REC114: variants seen among roughly 807,000 people sequenced by gnomAD.
REC114 encodes the protein meiotic recombination protein REC114.
REC114 carries 27 observed loss-of-function variants against 31.3 expected under a neutral mutation model. The observed-to-expected ratio is 0.86, with a 90% CI of 0.64 to 1.19. The LOEUF (loss-of-function observed/expected upper bound fraction) is 1.19, where lower values mean the gene tolerates loss of function less well. Ranked by LOEUF, REC114 falls within the 50% of genes most tolerant of loss-of-function variation. The pLI, the probability that REC114 is intolerant of heterozygous loss-of-function variation, is 0.00. For missense variants in REC114, 344 were observed against 326.9 expected (o/e 1.05, Z -0.40); for synonymous variants, 134 against 127.7 (o/e 1.05, Z -0.33).
chr15:73,523,460 A>T (rs565893573), intron 2 of REC114, among the ~76,000 whole-genome samples: 2 of 152,326 alleles, frequency 1.3e-5, no homozygotes, highest in African/African-American at 4.8e-5. Context: ...GGCCGCTGGG[A>T]CTGGCCAAGA....
chr15:73,498,000 CA>C (rs977122381), intron 2 of REC114, among the ~76,000 whole-genome samples: 1 of 152,078 alleles, frequency 6.6e-6, no homozygotes, highest in African/African-American at 2.4e-5. Flanking sequence ...TTTCATGTAA[CA>C]AAATATTTTT....
intron 2 of REC114, among the ~76,000 whole-genome samples, chr15:73,490,174 G>C (rs983152993): frequency 2.0e-5 from 3 of 152,098 alleles, no homozygotes; most frequent in African/African-American, 7.2e-5. Flanking sequence ...TTTTTTCAAA[G>C]ACAGAAAGTT....
intron 2 of REC114, among the ~76,000 whole-genome samples, chr15:73,538,218 A>G (rs545681955): frequency 6.6e-6 from 1 of 152,322 alleles, no homozygotes; most frequent in Admixed American, 6.5e-5. Flanking sequence ...AAAATCCAAC[A>G]TCCAAATTGA....
intron 2 of REC114, among the ~76,000 whole-genome samples, chr15:73,509,493 G>A (rs1452182223): frequency 6.6e-6 from 1 of 150,588 alleles, no homozygotes; most frequent in African/African-American, 2.5e-5. Context: ...TGCTTTTGGT[G>A]TTTTGGACAT....
In REC114 at chr15:73,443,219, G is replaced by T; in HGVS notation, c.34G>T (p.Gly12Trp). The stretch of plus-strand genomic sequence containing the variant: ...GGCAGGAAAAGTGCCCTTGAGCCTC[G>T]GGCTTACCGGAGGAGAAGCGGCAGA... ...AEAGKVPLSL[G>W]LTGGEAAEWP... is the part of the protein sequence containing the mutation. Residue 12 changes from glycine (G) to tryptophan (W), a missense_variant, in exon 1 of 6, where the codon GGG (glycine) becomes TGG (tryptophan). Gly to Trp is a radical substitution (Grantham distance 184, BLOSUM62 -2). Coordinates refer to ENST00000331090, the MANE Select transcript of REC114 (RefSeq NM_001042367.2). The T allele has an allele frequency of 6.3e-7, 1 of 1,575,792 alleles. No individual in the cohort carries two copies. Among genetic ancestry groups the T allele is most frequent in the Non-Finnish European group, 8.6e-7 (1 of 1,161,756 alleles).
chr15:73,539,321 C>A (rs1894207643), intron 2 of REC114, among the ~76,000 whole-genome samples: 1 of 104,402 alleles, frequency 9.6e-6, no homozygotes, highest in Non-Finnish European at 1.7e-5. Flanking sequence ...GACGGAATCT[C>A]ACTCTGTCCC....
At chr15:73,450,466 A>G (rs1892828724) in intron 1 of REC114, among the ~76,000 whole-genome samples, 1 of 152,226 alleles carries the variant, frequency 6.6e-6, no homozygotes, top group Admixed American at 6.5e-5. Flanking sequence ...CCAATACAGG[A>G]GCACCCAGAT....
At chr15:73,454,764 A>G (rs748125124) in intron 1 of REC114, among the ~76,000 whole-genome samples, 2 of 152,212 alleles carry the variant, frequency 1.3e-5, no homozygotes, top group African/African-American at 2.4e-5. Context: ...AGGTTCCTTG[A>G]TACCTTCTCA....
intron 2 of REC114, among the ~76,000 whole-genome samples, chr15:73,491,553 T>C (rs1893447574): frequency 6.6e-6 from 1 of 152,184 alleles, no homozygotes; most frequent in Non-Finnish European, 1.5e-5. Flanking sequence ...CCAGTAAGTG[T>C]CTTTATAAGA....
At chr15:73,547,810 C>T (rs982139425) in intron 3 of REC114, among the ~76,000 whole-genome samples, 4 of 152,042 alleles carry the variant, frequency 2.6e-5, no homozygotes, top group Non-Finnish European at 2.9e-5. Flanking sequence ...TAAAACCAAA[C>T]GCTATAAAAA....
intron 1 of REC114, among the ~76,000 whole-genome samples, chr15:73,465,817 A>G (rs776198281): frequency 2.6e-5 from 4 of 152,134 alleles, no homozygotes; most frequent in South Asian, 2.1e-4. Context: ...ATCCACAACT[A>G]TTTAGCCCAT....
In REC114 at chr15:73,556,327, A is replaced by C; in HGVS notation, c.572A>C (p.Gln191Pro). Residue 191 changes from glutamine to proline, a missense_variant, in exon 5 of 6, where the codon CAA becomes CCA. Coordinates refer to ENST00000331090, the MANE Select transcript of REC114 (RefSeq NM_001042367.2). ...PGSHQHSEQQ[Q>P]VCVTAGTGAP... ...TCCCACCAGCACTCAGAACAACAGC[A>C]AGTGTGTGTAACAGCGGGCACAGGC... 6.2e-7 allele frequency: 1 copy of C among 1,613,830 alleles called. No homozygotes were observed. Among genetic ancestry groups the C allele is most frequent in the Middle Eastern group, 1.7e-4 (1 of 6,056 alleles).
intron 3 of REC114, among the ~76,000 whole-genome samples, chr15:73,546,262 T>A (rs181694503): frequency 1.8e-4 from 28 of 152,274 alleles, no homozygotes; most frequent in Admixed American, 2.0e-4. Context: ...AATGGGCACA[T>A]AGATTCTTGG....
At chr15:73,552,807 T>C (rs1169398307) in intron 4 of REC114, among the ~76,000 whole-genome samples, 1 of 152,194 alleles carries the variant, frequency 6.6e-6, no homozygotes, top group Non-Finnish European at 1.5e-5. Flanking sequence ...TTTTTGCTGT[T>C]TTGTCACTAT....
intron 2 of REC114, among the ~76,000 whole-genome samples, chr15:73,479,397 TTAACATATCGTTA>T (rs1305028563): frequency 1.3e-5 from 2 of 151,796 alleles, no homozygotes; most frequent in East Asian, 1.9e-4. Flanking sequence ...GTCAAACGAA[TTAACATATCGTTA>T]CCTCACAATT....
At position 73,556,330 on chromosome 15, in the gene REC114, T is replaced by C; in HGVS notation, c.575T>C (p.Val192Ala). ...GSHQHSEQQQVCVTAGTGAPD... is the reference protein window; with the variant it reads ...GSHQHSEQQQACVTAGTGAPD... The stretch of plus-strand genomic sequence containing the variant: ...CACCAGCACTCAGAACAACAGCAAG[T>C]GTGTGTAACAGCGGGCACAGGCGCT... The change falls in exon 5 of 6, where the codon GTG (valine) becomes GCG (alanine). Residue 192 changes from valine (V) to alanine (A), a missense_variant. By Grantham distance (64) the Val-to-Ala change is moderately conservative (BLOSUM62 0). Transcript: ENST00000331090. The C allele has an allele frequency of 1.2e-6, 2 of 1,613,830 alleles. No individual in the cohort carries two copies. The highest frequency in any genetic ancestry group is 8.5e-7 in the Non-Finnish European group (1 of 1,179,756).
intron 3 of REC114, among the ~76,000 whole-genome samples, chr15:73,546,817 G>GA (rs11421177): frequency 0.52 from 60,086 of 115,636 alleles, 14,198 homozygotes; most frequent in South Asian, 0.58. Context: ...TCTGTCTCAG[G>GA]AAAAAAAAAA....
chr15:73,504,193 G>A (rs1319090140), intron 2 of REC114, among the ~76,000 whole-genome samples: 1 of 151,804 alleles, frequency 6.6e-6, no homozygotes, highest in Admixed American at 6.6e-5. Flanking sequence ...TTTTAGTAGA[G>A]ACGGGGTTTC....
At chr15:73,555,285 G>A (rs536645363) in intron 4 of REC114, among the ~76,000 whole-genome samples, 22 of 152,210 alleles carry the variant, frequency 1.4e-4, no homozygotes, top group African/African-American at 5.1e-4. Context: ...CATACCTAGT[G>A]TAGGATCACC....
Sources: allele counts gnomAD v4.1 joint callset (sites outside exome capture counted in the v4.1 genomes callset), GRCh38; gene constraint gnomAD v4.1.1; transcripts MANE v1.5; gene names NCBI Gene and HGNC (gene_info 2026-07-23, HGNC 2026-07-21).